The following ADCY7 variants were observed in gnomAD, a reference collection of about 807,000 sequenced individuals.
The protein encoded by ADCY7 is adenylate cyclase type 7.
Under a neutral mutation model 120.6 loss-of-function variants are expected in ADCY7, and 72 were observed. The observed-to-expected ratio is 0.60, with a 90% CI of 0.49 to 0.73. The LOEUF is 0.73. Ranked by LOEUF, ADCY7 falls within the 30% of genes least tolerant of loss-of-function variation. The pLI is 0.00. For missense variants in ADCY7, 1,227 were observed against 1,486.0 expected (o/e 0.83, Z 2.87); for synonymous variants, 661 against 628.0 (o/e 1.05, Z -0.78).
intron 24 of ADCY7, 27 bp from the exon 25 acceptor site, chr16:50,314,987 T>G (rs747214317): frequency 6.2e-7 from 1 of 1,613,512 alleles, no homozygotes; most frequent in Non-Finnish European, 8.5e-7. Flanking sequence ...GCCTGCACGC[T>G]TGGGTAACTG....
In ADCY7 at chr16:50,309,539, C is replaced by T. The variant is rs766060993; in HGVS notation, c.2062-9C>T. ...TCCCTGGACTGATGGGGACCTGTCT[C>T]CTCTACAGCCCCTGATGCCTTTCCA... On this transcript the variant is annotated splice_polypyrimidine_tract_variant and intron_variant, in intron 17 of 25. Coordinates refer to ENST00000673801, the MANE Select transcript of ADCY7 (RefSeq NM_001114.5). 3.1e-6 allele frequency: 5 copies of T among 1,613,350 alleles called. No individual in the cohort carries two copies. In the Admixed American group the frequency reaches 5.0e-5, roughly 16 times the overall value.
In ADCY7 at chr16:50,304,537, G is replaced by A. The variant is rs140779043; in HGVS notation, c.1546G>A (p.Gly516Arg). 352 of 1,554,976 alleles carry A rather than the reference G, an allele frequency of 2.3e-4. No individual in the cohort carries two copies. The highest frequency in any genetic ancestry group is 1.2e-3 in the African/African-American group (89 of 72,986). ...CAGTGGTGAGACCCACGTCCCCAACGGGCGGAGGCCTAAGGTAGGTCCCCC... is the reference window on the plus strand; with the variant it reads ...CAGTGGTGAGACCCACGTCCCCAACAGGCGGAGGCCTAAGGTAGGTCCCCC... ...VSSGETHVPN[G>R]RRPKSVPQRH... Residue 516 changes from glycine to arginine, a missense_variant, in exon 11 of 26, where the codon GGG becomes AGG. Gly to Arg is a moderately radical substitution (Grantham distance 125). This residue lies in a region of ADCY7 where 332 missense variants were observed against 455.8 expected (regional missense o/e 0.73). Coordinates refer to ENST00000673801, the MANE Select transcript of ADCY7 (RefSeq NM_001114.5).
intron 1 of ADCY7, among the ~76,000 whole-genome samples, chr16:50,277,977 G>C (rs1375627590): frequency 2.6e-5 from 4 of 151,834 alleles, no homozygotes; most frequent in African/African-American, 7.3e-5. Flanking sequence ...GCCTACCATG[G>C]TAGTTTTAAT....
chr16:50,256,804 C>A (rs1451684671), intron 1 of ADCY7, among the ~76,000 whole-genome samples: 1 of 152,096 alleles, frequency 6.6e-6, no homozygotes, highest in East Asian at 1.9e-4. Flanking sequence ...GTAGGAACCT[C>A]CCTTCCTTCC....
At position 50,314,993 on chromosome 16, in the gene ADCY7, A is replaced by G. The variant is rs756512216; in HGVS notation, c.2972-21A>G. 4 of 1,613,716 alleles carry G rather than the reference A, an allele frequency of 2.5e-6. No homozygotes were observed. In the South Asian group the frequency reaches 4.4e-5, roughly 18 times the overall value. The stretch of plus-strand genomic sequence containing the variant: ...TGAGGCTTTGCCTGCACGCTTGGGT[A>G]ACTGTAAACATCATCTTCAGGCATA... On this transcript the variant is annotated intron_variant, in intron 24 of 25. Coordinates refer to ENST00000673801, the MANE Select transcript of ADCY7 (RefSeq NM_001114.5).
At chr16:50,296,099 G>A (rs548909972) in intron 7 of ADCY7, among the ~76,000 whole-genome samples, 10 of 152,186 alleles carry the variant, frequency 6.6e-5, no homozygotes, top group South Asian at 4.1e-4. Flanking sequence ...GTCACCTAGC[G>A]TGAAGTGCAA....
At chr16:50,258,128 C>T (rs960255566) in intron 1 of ADCY7, among the ~76,000 whole-genome samples, 5 of 152,028 alleles carry the variant, frequency 3.3e-5, no homozygotes, top group African/African-American at 4.8e-5. Context: ...CCAAGCTACT[C>T]GAGAGGCTGA....
Position 50,304,396 on chromosome 16 carries a change from A to G in ADCY7, c.1405A>G (p.Arg469Gly). ...QPPPPSQHLPRPKGDAALKMR... is the reference protein window; with the variant it reads ...QPPPPSQHLPGPKGDAALKMR... ...ACCCCCGCCCAGCCAACACCTCCCC[A>G]GGCCCAAGGGGGACGCGGCCCTGAA... The change falls in exon 11 of 26, where the codon AGG becomes GGG. Residue 469 changes from arginine to glycine, a missense_variant. Transcript: ENST00000673801. 1 of 1,571,140 alleles carries G rather than the reference A, an allele frequency of 6.4e-7. No individual in the cohort carries two copies. Among genetic ancestry groups the G allele is most frequent in the Non-Finnish European group, 8.6e-7 (1 of 1,156,920 alleles).
intron 15 of ADCY7, 123 bp from the exon 16 acceptor site, chr16:50,308,204 C>T: frequency 1.9e-6 from 3 of 1,564,130 alleles, no homozygotes; most frequent in African/African-American, 2.7e-5. Flanking sequence ...CACAGGTCCC[C>T]TTTGCTGTGG....
chr16:50,278,561 G>GT (rs1438891002), intron 1 of ADCY7, among the ~76,000 whole-genome samples: 1 of 152,040 alleles, frequency 6.6e-6, no homozygotes, highest in Non-Finnish European at 1.5e-5. Context: ...TGTATATTTT[G>GT]TTTTTTCATG....
At chr16:50,308,051 G>T (rs1488440287) in intron 15 of ADCY7, among the ~76,000 whole-genome samples, 3 of 150,452 alleles carry the variant, frequency 2.0e-5, no homozygotes, top group African/African-American at 7.3e-5. Flanking sequence ...CGTTTTTACA[G>T]TTTTTTCTGA....
chr16:50,281,869 G>A (rs1422511762), intron 1 of ADCY7, among the ~76,000 whole-genome samples: 1 of 152,224 alleles, frequency 6.6e-6, no homozygotes, highest in Non-Finnish European at 1.5e-5. Context: ...TCTCTTGAGA[G>A]AGTTCGCGTT....
At chr16:50,305,919 A>G in intron 14 of ADCY7, 70 bp downstream of exon 14, 1 of 1,488,830 alleles carries the variant, frequency 6.7e-7, no homozygotes, top group Non-Finnish European at 9.4e-7. Flanking sequence ...TGGGGGACGC[A>G]GGTCATGGGG....
At chr16:50,268,047 G>A (rs1872689) in intron 1 of ADCY7, among the ~76,000 whole-genome samples, 130,908 of 152,046 alleles carry the variant, frequency 0.86, 59,856 homozygotes, top group East Asian at 1. Flanking sequence ...GGGCAGGTGT[G>A]AGCTTTGTGG....
At chr16:50,263,284 G>T (rs952034270), upstream of ADCY7, among the ~76,000 whole-genome samples, 1 of 152,212 alleles carries the variant, frequency 6.6e-6, no homozygotes. Context: ...GATCCTGCCT[G>T]CCGGGACCTC....
At chr16:50,263,081 G>T (rs1040517713), upstream of ADCY7, among the ~76,000 whole-genome samples, 4 of 152,200 alleles carry the variant, frequency 2.6e-5, no homozygotes, top group African/African-American at 9.7e-5. Flanking sequence ...TTGAATCCTG[G>T]CTCTGCCTTT....
rs141336003 is a variant in ADCY7, at chr16:50,293,479, C to T, written c.813C>T (p.Tyr271=). 489 of 1,613,994 alleles carry T rather than the reference C, an allele frequency of 3.0e-4. 6 individuals are homozygous for T. The South Asian group carries it at 4.6e-3, about 15-fold the overall frequency. ...CMPDNNFHSL[Y]VKRHQNVSIL... ...CTGACAACAACTTCCACAGCCTCTA[C>T]GTCAAGAGGCACCAGAATGTCAGGT... Residue 271 remains tyrosine, a synonymous_variant, in exon 6 of 26, where the codon TAC becomes TAT. Transcript: ENST00000673801.
Position 50,315,647 on chromosome 16 carries a change from G to A in ADCY7, c.*142G>A. ...TGGCTTCTTTGGACCTGCACTGGAGGATTTCTCAGACACATGCACCAGATT... is the reference window on the plus strand; with the variant it reads ...TGGCTTCTTTGGACCTGCACTGGAGAATTTCTCAGACACATGCACCAGATT... On this transcript the variant is annotated 3_prime_UTR_variant, in exon 26 of 26. Transcript: ENST00000673801. 9.6e-7 allele frequency: 1 copy of A among 1,046,736 alleles called. No homozygotes were observed. Among genetic ancestry groups the A allele is most frequent in the Non-Finnish European group, 1.4e-6 (1 of 736,928 alleles). 64.8% of individuals were successfully genotyped at this position (1,046,736 alleles called of 1,614,324 possible). A position where few individuals can be genotyped will look rare whatever the true frequency, so the allele number is the denominator to read the frequency against.
At chr16:50,274,187 T>A (rs2150854210) in intron 1 of ADCY7, 1 of 152,168 alleles carries the variant, frequency 6.6e-6, no homozygotes, top group African/African-American at 2.4e-5. Context: ...AGAGGCGTTT[T>A]TTGGCCAAGG....
Sources: gnomAD v4.1 joint callset for allele counts (sites outside exome capture counted in the v4.1 genomes callset) on GRCh38, gnomAD v4.1.1 for gene constraint, gnomAD v4.1.1 regional missense constraint, MANE v1.5 for transcripts, NCBI Gene and HGNC (gene_info 2026-07-23, HGNC 2026-07-21) for gene names.